Variants in ACAP3 observed in about 807,000 individuals in gnomAD.
The protein encoded by ACAP3 is arf-GAP with coiled-coil, ANK repeat and PH domain-containing protein 3.
ACAP3 carries 56 observed loss-of-function variants against 104.1 expected under a neutral mutation model. That is an observed-to-expected ratio of 0.54 (90% CI 0.43 to 0.67). The LOEUF is 0.67. Ranked by LOEUF, ACAP3 falls within the 30% of genes least tolerant of loss-of-function variation. The pLI is 0.00. For synonymous variants in ACAP3, 628 were observed against 496.2 expected (o/e 1.27, Z -3.53); for missense variants, 1,208 against 1,174.9 (o/e 1.03, Z -0.41).
intron 1 of ACAP3, chr1:1,307,155 G>A (rs1022468119): frequency 6.3e-6 from 8 of 1,260,042 alleles, no homozygotes; most frequent in South Asian, 3.7e-5. Flanking sequence ...TTGTGCACAC[G>A]TCTGTGAACA....
chr1:1,295,086 C>T (rs1482098184), intron 19 of ACAP3: 10 of 559,490 alleles, frequency 1.8e-5, no homozygotes, highest in African/African-American at 1.3e-4. Context: ...CGGCACCCCC[C>T]GCAGTGGGCC....
In ACAP3 at chr1:1,294,554, C is replaced by A. The variant is rs757910950; in HGVS notation, c.1987G>T (p.Val663Leu). ...AAGAGCCCCGGGTGCAGCTCGCGCA[C>A]GTCCGCCAGGCCCCAGGCCTCGGCC... ...TEAEAWGLAD[V>L]RELHPGLLAH... is the part of the protein sequence containing the mutation. Residue 663 changes from valine to leucine, a missense_variant, in exon 21 of 24, where the codon GTG becomes TTG. Val to Leu is a conservative substitution (Grantham distance 32, BLOSUM62 1). Coordinates refer to ENST00000354700, the MANE Select transcript of ACAP3 (RefSeq NM_030649.3). 1 of 1,501,616 alleles carries A rather than the reference C, an allele frequency of 6.7e-7. No homozygotes were observed. Among genetic ancestry groups the A allele is most frequent in the Non-Finnish European group, 8.8e-7 (1 of 1,134,464 alleles). The allele number at this position is 1,501,616 out of a possible 1,614,324, so 93.0% of individuals were successfully genotyped here.
In ACAP3 at chr1:1,293,693, G is replaced by A. The variant is rs1640946644; in HGVS notation, c.2376C>T (p.Arg792=). 1.4e-6 allele frequency: 2 copies of A among 1,440,378 alleles called. No individual in the cohort carries two copies. The highest frequency in any genetic ancestry group is 3.2e-5 in the African/African-American group (2 of 62,150). 89.2% of individuals were successfully genotyped at this position (1,440,378 alleles called of 1,614,324 possible). A position where few individuals can be genotyped will look rare whatever the true frequency, so the allele number is the denominator to read the frequency against. ...ADIVTLLRLA[R]MAEEMREAEA... is the part of the protein sequence containing the mutation. ...CGGCCTCGCGCATTTCCTCCGCCAT[G>A]CGCGCCAGACGGAGCCTACGGGGAG... Residue 792 remains arginine (R), a synonymous_variant, in exon 24 of 24, where the codon CGC becomes CGT. Transcript: ENST00000354700.
chr1:1,298,350 G>A lies in ACAP3; in HGVS notation c.915+20C>T, dbSNP rs1377943033. ...GGGGCGTCCAGCCATCAGGGCCCCAGCCCCAGGCCCAGGGCACACCTTGAG... is the reference window on the plus strand; with the variant it reads ...GGGGCGTCCAGCCATCAGGGCCCCAACCCCAGGCCCAGGGCACACCTTGAG... On this transcript the variant is annotated intron_variant, in intron 12 of 23. Transcript: ENST00000354700. 14 of 1,605,732 alleles carry A rather than the reference G, an allele frequency of 8.7e-6. No homozygotes were observed. In the East Asian group the frequency reaches 2.0e-4, roughly 23 times the overall value.
At chr1:1,294,839 G>C (rs1254687894) in intron 19 of ACAP3, 23 bp from the exon 20 acceptor site, 1 of 1,548,120 alleles carries the variant, frequency 6.5e-7, no homozygotes, top group Admixed American at 2.0e-5. Context: ...AGGGAAGGGG[G>C]TCCTGAGGGT....
chr1:1,298,955 G>A (rs1424569106), intron 10 of ACAP3: 4 of 551,400 alleles, frequency 7.3e-6, no homozygotes, highest in African/African-American at 1.9e-5. Context: ...CCAGCAGGCT[G>A]CGATCAGGAA....
chr1:1,306,098 C>G lies in ACAP3; in HGVS notation c.47+1671G>C, dbSNP rs915880721. Reference sequence around the variant, plus strand: ...CCACTGGGCCAGGCCATTCTCATCTCCCCACTCCAGTCCATGCCCCACAGG... The same window carrying G: ...CCACTGGGCCAGGCCATTCTCATCTGCCCACTCCAGTCCATGCCCCACAGG... On this transcript the variant is annotated intron_variant, in intron 1 of 23. Coordinates refer to ENST00000354700, the MANE Select transcript of ACAP3 (RefSeq NM_030649.3). Among the ~76,000 whole-genome samples, 4 of 152,228 alleles carry G rather than the reference C, an allele frequency of 2.6e-5. No homozygotes were observed. The East Asian group carries it at 7.7e-4, about 29-fold the overall frequency.
At chr1:1,299,304 T>A (rs1056290053) in intron 10 of ACAP3, 41 bp downstream of exon 10, 4 of 1,587,436 alleles carry the variant, frequency 2.5e-6, no homozygotes, top group Non-Finnish European at 3.4e-6. Context: ...CCATCTGGTC[T>A]CCCCCGACCC....
At chr1:1,307,574 G>A (rs1222940375) in intron 1 of ACAP3, among the ~76,000 whole-genome samples, 195 bp downstream of exon 1, 2 of 152,198 alleles carry the variant, frequency 1.3e-5, no homozygotes, top group Non-Finnish European at 2.9e-5. Flanking sequence ...CGGCCGCACA[G>A]GGCAGGAGCG....
Position 1,295,136 on chromosome 1 carries a change from C to G in ACAP3, c.1813+311G>C, listed in dbSNP as rs563994833. On this transcript the variant is annotated intron_variant, in intron 19 of 23. Coordinates refer to ENST00000354700, the MANE Select transcript of ACAP3 (RefSeq NM_030649.3). ...GTGGCTGGCCCAGGCTGAAATGTCT[C>G]CACCCAACCAACGGGCAGCATGGCT... is the stretch of plus-strand genomic sequence containing the variant. 250 of 557,090 alleles carry G rather than the reference C, an allele frequency of 4.5e-4. 4 individuals carry two copies. In the South Asian group the frequency reaches 5.5e-3, roughly 12 times the overall value. 34.5% of individuals were successfully genotyped at this position (557,090 alleles called of 1,614,324 possible). A position where few individuals can be genotyped will look rare whatever the true frequency, so the allele number is the denominator to read the frequency against.
Position 1,296,364 on chromosome 1 carries a change from G to T in ACAP3, c.1337+61C>A, listed in dbSNP as rs113414019. ...CCCCCACCCCCGGCCTGGCCCTCAG[G>T]GGCCCACCTGTGGATGCTCCAGCCC... On this transcript the variant is annotated intron_variant, in intron 15 of 23. Transcript: ENST00000354700. The T allele has an allele frequency of 7.3e-3, 11,168 of 1,535,278 alleles. 926 individuals carry two copies. In the African/African-American group the frequency reaches 0.16, roughly 21 times the overall value.
chr1:1,296,797 C>T (rs922748940), intron 14 of ACAP3, among the ~76,000 whole-genome samples, 164 bp from the exon 15 acceptor site: 1 of 146,226 alleles, frequency 6.8e-6, no homozygotes, highest in Admixed American at 6.7e-5. Flanking sequence ...GCAGATGGCC[C>T]CCCCCTCGAG....
chr1:1,298,484 G>C, intron 11 of ACAP3, 63 bp from the exon 12 acceptor site: 2 of 1,559,288 alleles, frequency 1.3e-6, no homozygotes, highest in Non-Finnish European at 8.7e-7. Flanking sequence ...TGTGACCCCT[G>C]CCCCCACCTG....
At chr1:1,307,609 T>G (rs1412461212) in intron 1 of ACAP3, among the ~76,000 whole-genome samples, 160 bp downstream of exon 1, 2 of 151,884 alleles carry the variant, frequency 1.3e-5, no homozygotes, top group African/African-American at 4.8e-5. Context: ...CCCCGGGGCA[T>G]GGCGGGGCGG....
At position 1,298,073 on chromosome 1, in the gene ACAP3, G is replaced by A; in HGVS notation, c.956C>T (p.Ser319Phe). ...TVVVDDLRLCSVKPCEDIERR... is the reference protein window; with the variant it reads ...TVVVDDLRLCFVKPCEDIERR... ...CTCGATGTCCTCACACGGCTTCACA[G>A]AGCACAGGCGGAGGTCATCCACCAC... The change falls in exon 13 of 24, where the codon TCT (serine) becomes TTT (phenylalanine). Residue 319 changes from serine to phenylalanine, a missense_variant. Coordinates refer to ENST00000354700, the MANE Select transcript of ACAP3 (RefSeq NM_030649.3). 6.2e-7 allele frequency: 1 copy of A among 1,610,608 alleles called. No individual in the cohort carries two copies. The highest frequency in any genetic ancestry group is 8.5e-7 in the Non-Finnish European group (1 of 1,178,990).
chr1:1,303,644 G>A lies in ACAP3; in HGVS notation c.106-363C>T, dbSNP rs920378823. The A allele has an allele frequency of 9.8e-6, 4 of 409,646 alleles. No individual in the cohort carries two copies. The highest frequency in any genetic ancestry group is 8.5e-5 in the African/African-American group (4 of 47,206). The allele number at this position is 409,646 out of a possible 1,614,324, so 25.4% of individuals were successfully genotyped here. On this transcript the variant is annotated intron_variant, in intron 2 of 23. Transcript: ENST00000354700. This position sits in a 1 kb window ranked among gnomAD's most constrained non-coding sequence, Gnocchi z 4.0. ...TTTCTCAGCCCATGTGGGGCTCATG[G>A]ACACGGCTCCCCTCTCCACGGCCTG... is the stretch of plus-strand genomic sequence containing the variant.
Position 1,296,472 on chromosome 1 carries a change from G to A in ACAP3, c.1290C>T (p.Ser430=). Residue 430 remains serine, a synonymous_variant, in exon 15 of 24, where the codon AGC becomes AGT. Transcript: ENST00000354700. ...DCGQPDPRWA[S]INLGVLLCIE... ...TGCAGAGCAGCACGCCCAGGTTGAT[G>A]CTGGCCCAGCGGGGGTCCGGCTGGC... 1 of 1,545,546 alleles carries A rather than the reference G, an allele frequency of 6.5e-7. No homozygotes were observed. Among genetic ancestry groups the A allele is most frequent in the Non-Finnish European group, 8.7e-7 (1 of 1,147,250 alleles).
In ACAP3 at chr1:1,294,596, C is replaced by A. The variant is rs868832637; in HGVS notation, c.1945G>T (p.Ala649Ser). ...GCCTCGGCCTCAGTGTCCCCGTCTGCCTCACCGCTGGACTCCTCCGACTCT... is the reference window on the plus strand; with the variant it reads ...GCCTCGGCCTCAGTGTCCCCGTCTGACTCACCGCTGGACTCCTCCGACTCT... ...GAESEESSGE[A>S]DGDTEAEAWG... Residue 649 changes from alanine to serine, a missense_variant, in exon 21 of 24, where the codon GCA becomes TCA. Ala to Ser is a moderately conservative substitution (Grantham distance 99). Coordinates refer to ENST00000354700, the MANE Select transcript of ACAP3 (RefSeq NM_030649.3). 6.6e-7 allele frequency: 1 copy of A among 1,518,714 alleles called. No homozygotes were observed. The highest frequency in any genetic ancestry group is 1.3e-5 in the South Asian group (1 of 79,888). The allele number at this position is 1,518,714 out of a possible 1,614,324, so 94.1% of individuals were successfully genotyped here. A position where few individuals can be genotyped will look rare whatever the true frequency, so the allele number is the denominator to read the frequency against.
At chr1:1,301,916 C>G (rs1641462193) in intron 5 of ACAP3, 72 bp downstream of exon 5, 4 of 1,429,836 alleles carry the variant, frequency 2.8e-6, no homozygotes, top group East Asian at 5.1e-5. Flanking sequence ...CTGCTCTGCC[C>G]CAGACCCCCT....
Sources: gnomAD v4.1 joint callset for allele counts (sites outside exome capture counted in the v4.1 genomes callset) on GRCh38, gnomAD v4.1.1 for gene constraint, Gnocchi (gnomAD v3.1) non-coding constraint, MANE v1.5 for transcripts, NCBI Gene and HGNC (gene_info 2026-07-23, HGNC 2026-07-21) for gene names.